FHOD3: variants seen among roughly 807,000 people sequenced by gnomAD.
FHOD3 encodes the protein formin homology 2 domain containing 3, also known as FH1/FH2 domain-containing protein 3.
In FHOD3, 90 loss-of-function variants were observed where a neutral mutation model predicts 173.0. The observed-to-expected ratio is 0.52, with a 90% CI of 0.44 to 0.62. The LOEUF (loss-of-function observed/expected upper bound fraction) is 0.62. FHOD3 is among the 20% of genes least tolerant of loss of function. The pLI is 0.00. For missense variants in FHOD3, 1,945 were observed against 2,034.7 expected (o/e 0.96, Z 0.85); for synonymous variants, 828 against 823.0 (o/e 1.01, Z -0.10).
intron 3 of FHOD3, among the ~76,000 whole-genome samples, chr18:36,423,205 G>A (rs768362346): frequency 4.9e-4 from 75 of 152,094 alleles, no homozygotes; most frequent in Non-Finnish European, 9.9e-4. Context: ...TGAAAACTTC[G>A]ATAAGAGCAA....
chr18:36,472,773 C>G (rs1281709031), intron 3 of FHOD3, among the ~76,000 whole-genome samples: 3 of 152,142 alleles, frequency 2.0e-5, no homozygotes, highest in Non-Finnish European at 4.4e-5. Context: ...GTGTAATTTT[C>G]CAGTGCATGT....
chr18:36,663,056 T>C (rs1208857712), intron 14 of FHOD3, among the ~76,000 whole-genome samples: 1 of 152,250 alleles, frequency 6.6e-6, no homozygotes, highest in Non-Finnish European at 1.5e-5. Context: ...GTTTACCATG[T>C]AGAAACATTC....
chr18:36,642,583 A>C (rs1241430740), intron 10 of FHOD3, among the ~76,000 whole-genome samples: 2 of 68,464 alleles, frequency 2.9e-5, no homozygotes, highest in East Asian at 8.0e-4. Flanking sequence ...ACTCCGTCTC[A>C]AAAAAAAAAA....
intron 3 of FHOD3, among the ~76,000 whole-genome samples, chr18:36,386,731 C>A (rs2048051790): frequency 6.6e-6 from 1 of 152,224 alleles, no homozygotes; most frequent in African/African-American, 2.4e-5. Flanking sequence ...AGGTGTGGCC[C>A]TGCCTCCCCT....
chr18:36,574,480 C>G (rs186088198), intron 5 of FHOD3, among the ~76,000 whole-genome samples: 189 of 151,080 alleles, frequency 1.3e-3, no homozygotes, highest in African/African-American at 4.3e-3. Context: ...AGAAATTATT[C>G]TTTAACATAT....
Position 36,355,526 on chromosome 18 carries a change from CTT to C in FHOD3, c.166-11_166-10del, listed in dbSNP as rs1568163535. 5 of 1,613,568 alleles carry C rather than the reference CTT, an allele frequency of 3.1e-6. No individual in the cohort carries two copies. The highest frequency in any genetic ancestry group is 4.2e-6 in the Non-Finnish European group (5 of 1,179,516). ...AGGAGCAGGTTGGGTATAACAGGCT[CTT>C]TCTCTTGCAGCTGGATGACTGTACT... On this transcript the variant is annotated splice_polypyrimidine_tract_variant and intron_variant, in intron 1 of 28. Transcript: ENST00000590592.
intron 1 of FHOD3, among the ~76,000 whole-genome samples, chr18:36,341,260 T>C (rs2045604937): frequency 6.6e-6 from 1 of 152,222 alleles, no homozygotes; most frequent in African/African-American, 2.4e-5. Context: ...TTTTAGCTAT[T>C]AAAAGTTAGA....
chr18:36,742,346 G>A lies in FHOD3; in HGVS notation c.3760-391G>A, dbSNP rs75283083. ...CTGGGGCAGTTCAGGGACATCGAGCGCACAACTTTCATTGCCAATCTGCCT... is the reference window on the plus strand; with the variant it reads ...CTGGGGCAGTTCAGGGACATCGAGCACACAACTTTCATTGCCAATCTGCCT... On this transcript the variant is annotated intron_variant, in intron 21 of 28. Coordinates refer to ENST00000590592, the MANE Select transcript of FHOD3 (RefSeq NM_001281740.3). 5.7e-3 allele frequency among the ~76,000 whole-genome samples: 867 copies of A among 152,266 alleles called. 5 individuals are homozygous for A. Among genetic ancestry groups the A allele is most frequent in the Non-Finnish European group, 8.0e-3 (542 of 68,016 alleles).
chr18:36,347,184 G>A (rs1959261888), intron 1 of FHOD3, among the ~76,000 whole-genome samples: 1 of 152,188 alleles, frequency 6.6e-6, no homozygotes. Context: ...TTTTCAACTT[G>A]AATAAAGTGA....
At chr18:36,595,788 A>T (rs928179242) in intron 7 of FHOD3, among the ~76,000 whole-genome samples, 1 of 152,058 alleles carries the variant, frequency 6.6e-6, no homozygotes. Flanking sequence ...AATTAAAATG[A>T]TTTTTCTCCT....
intron 15 of FHOD3, among the ~76,000 whole-genome samples, chr18:36,684,262 A>G (rs1370183457): frequency 2.6e-5 from 4 of 152,250 alleles, no homozygotes; most frequent in African/African-American, 9.6e-5. Flanking sequence ...TAGAATTTAA[A>G]TAAGACCTCA....
Position 36,497,427 on chromosome 18 carries a change from T to G in FHOD3, c.338-4505T>G, listed in dbSNP as rs547648707. Among the ~76,000 whole-genome samples, 4 of 152,194 alleles carry G rather than the reference T, an allele frequency of 2.6e-5. No individual in the cohort carries two copies. In the South Asian group the frequency reaches 8.3e-4, roughly 32 times the overall value. ...TCGCAGAGGTTAAAAATACAGTGAA[T>G]GCATAGCAATTAGAAGACAATGGTC... On this transcript the variant is annotated intron_variant, in intron 3 of 28. Transcript: ENST00000590592.
In FHOD3 at chr18:36,622,348, A is replaced by G. The variant is rs181622214; in HGVS notation, c.958-3163A>G. On this transcript the variant is annotated intron_variant, in intron 9 of 28. Coordinates refer to ENST00000590592, the MANE Select transcript of FHOD3 (RefSeq NM_001281740.3). ...TCTCATGTTGAATATTTTTACTACA[A>G]TAAATAAAAAGAAAAAAATTCTTAA... is the stretch of plus-strand genomic sequence containing the variant. Among the ~76,000 whole-genome samples, 50 of 152,350 alleles carry G rather than the reference A, an allele frequency of 3.3e-4. No individual in the cohort carries two copies. The East Asian group carries it at 3.7e-3, about 11-fold the overall frequency.
At chr18:36,415,656 A>G (rs1481426573) in intron 3 of FHOD3, among the ~76,000 whole-genome samples, 1 of 152,228 alleles carries the variant, frequency 6.6e-6, no homozygotes, top group Non-Finnish European at 1.5e-5. Flanking sequence ...TTTAGCAGAA[A>G]CCCAAGTCAT....
At chr18:36,721,100 G>A (rs533072292) in intron 19 of FHOD3, among the ~76,000 whole-genome samples, 1 of 152,294 alleles carries the variant, frequency 6.6e-6, no homozygotes, top group South Asian at 2.1e-4. Flanking sequence ...ATGATTGCCT[G>A]AAGCAGGTAG....
intron 17 of FHOD3, among the ~76,000 whole-genome samples, chr18:36,703,535 A>G (rs960994559): frequency 1.3e-4 from 20 of 152,188 alleles, no homozygotes; most frequent in African/African-American, 4.3e-4. Flanking sequence ...AAAGAGGATG[A>G]TGTAATATGA....
At chr18:36,453,125 C>G (rs1599178906) in intron 3 of FHOD3, among the ~76,000 whole-genome samples, 1 of 152,118 alleles carries the variant, frequency 6.6e-6, no homozygotes, top group Middle Eastern at 3.4e-3. Flanking sequence ...AGATATTTGC[C>G]AGAGTTCTTT....
chr18:36,399,340 C>T (rs924158113), intron 3 of FHOD3, among the ~76,000 whole-genome samples: 15 of 152,248 alleles, frequency 9.9e-5, no homozygotes, highest in Admixed American at 1.3e-4. Context: ...CCTTGCCCTT[C>T]CCAGCTTGCA....
chr18:36,718,284 G>C lies in FHOD3; in HGVS notation c.2986G>C (p.Asp996His). The part of the protein sequence containing the change: ...NPRELRIQDM[D>H]FTDLGEEDDI... ...AAGAGAGCTCAGAATCCAAGACATG[G>C]ATTTCACTGACCTGGGGGAGGAGGA... The change falls in exon 19 of 29, where the codon GAT becomes CAT. Residue 996 changes from aspartate (D) to histidine (H), a missense_variant. Transcript: ENST00000590592. 1 of 1,614,162 alleles carries C rather than the reference G, an allele frequency of 6.2e-7. No individual in the cohort carries two copies. Among genetic ancestry groups the C allele is most frequent in the Non-Finnish European group, 8.5e-7 (1 of 1,180,016 alleles).
Sources: gnomAD v4.1 joint callset for allele counts (sites outside exome capture counted in the v4.1 genomes callset) on GRCh38, gnomAD v4.1.1 for gene constraint, MANE v1.5 for transcripts, NCBI Gene and HGNC (gene_info 2026-07-23, HGNC 2026-07-21) for gene names.